The following TMEM132C variants were observed in gnomAD, a reference collection of about 807,000 sequenced individuals.
TMEM132C encodes the protein transmembrane protein 132C.
A neutral mutation model predicts 61.4 loss-of-function variants in TMEM132C; 29 were observed. The observed-to-expected ratio is 0.47, with a 90% CI of 0.35 to 0.64. TMEM132C has a LOEUF of 0.64. Among genes scored for constraint, TMEM132C ranks in the 30% least tolerant of loss-of-function variants. The pLI, the probability that TMEM132C is intolerant of heterozygous loss-of-function variation, is 0.00. For missense variants in TMEM132C, 1,408 were observed against 1,476.9 expected (o/e 0.95, Z 0.76); for synonymous variants, 656 against 633.1 (o/e 1.04, Z -0.54).
At chr12:128,390,503 G>T (rs1466498219) in intron 1 of TMEM132C, among the ~76,000 whole-genome samples, 1 of 152,078 alleles carries the variant, frequency 6.6e-6, no homozygotes, top group African/African-American at 2.4e-5. Flanking sequence ...AGAACCCCAG[G>T]TTACATGGGG....
In TMEM132C at chr12:128,693,878, G is replaced by A; in HGVS notation, c.1499G>A (p.Gly500Glu). 1 of 1,551,752 alleles carries A rather than the reference G, an allele frequency of 6.4e-7. No individual in the cohort carries two copies. Reference protein sequence around the residue: ...YIFVNGKEIKGKMDAVVNFTY... With the variant: ...YIFVNGKEIKEKMDAVVNFTY... ...TTTGTCAATGGCAAAGAGATCAAAGGAAAGATGGATGCGGTGGTGAACTTC... is the reference window on the plus strand; with the variant it reads ...TTTGTCAATGGCAAAGAGATCAAAGAAAAGATGGATGCGGTGGTGAACTTC... Residue 500 changes from glycine to glutamate, a missense_variant, in exon 6 of 9, where the codon GGA becomes GAA. Coordinates refer to ENST00000435159, the MANE Select transcript of TMEM132C (RefSeq NM_001136103.3).
intron 1 of TMEM132C, among the ~76,000 whole-genome samples, chr12:128,335,650 A>G (rs1173138642): frequency 6.6e-6 from 1 of 152,236 alleles, no homozygotes; most frequent in Non-Finnish European, 1.5e-5. Context: ...AACTAAAACA[A>G]GTACAATAAC....
At chr12:128,410,495 A>G (rs910572229) in intron 1 of TMEM132C, among the ~76,000 whole-genome samples, 3 of 151,642 alleles carry the variant, frequency 2.0e-5, no homozygotes, top group African/African-American at 7.3e-5. Flanking sequence ...CTCCACCTCC[A>G]GGGTTCAAGT....
intron 8 of TMEM132C, among the ~76,000 whole-genome samples, chr12:128,703,470 T>A (rs1446898737): frequency 1.3e-5 from 2 of 152,214 alleles, no homozygotes; most frequent in Non-Finnish European, 2.9e-5. Context: ...CTGCAAAGGA[T>A]GGGATCTTGT....
intron 2 of TMEM132C, among the ~76,000 whole-genome samples, chr12:128,441,481 A>T (rs1394363619): frequency 6.6e-6 from 1 of 152,230 alleles, no homozygotes; most frequent in Non-Finnish European, 1.5e-5. Context: ...CTTTGGCTGA[A>T]ATAGCATCCA....
intron 1 of TMEM132C, among the ~76,000 whole-genome samples, chr12:128,289,620 A>G (rs532855541): frequency 6.6e-6 from 1 of 152,358 alleles, no homozygotes; most frequent in East Asian, 1.9e-4. Flanking sequence ...TAACGTCCCC[A>G]TCTTCAAAGA....
At chr12:128,369,989 C>T (rs1873981827) in intron 1 of TMEM132C, among the ~76,000 whole-genome samples, 1 of 152,242 alleles carries the variant, frequency 6.6e-6, no homozygotes, top group African/African-American at 2.4e-5. Flanking sequence ...GCTCTAGGCC[C>T]TTGTTTATTG....
intron 2 of TMEM132C, among the ~76,000 whole-genome samples, chr12:128,498,701 C>G (rs1264406728): frequency 6.6e-6 from 1 of 151,890 alleles, no homozygotes; most frequent in African/African-American, 2.4e-5. Context: ...TGCAAAGAAA[C>G]AAGCATTGCA....
At chr12:128,669,778 T>C (rs1015911412) in intron 5 of TMEM132C, among the ~76,000 whole-genome samples, 2 of 152,206 alleles carry the variant, frequency 1.3e-5, no homozygotes, top group Non-Finnish European at 2.9e-5. Context: ...CTGTCTTTCT[T>C]CCTTTATTTG....
Position 128,671,061 on chromosome 12 carries a change from G to A in TMEM132C, c.1449+1501G>A, listed in dbSNP as rs570532793. ...AAGCACCCTTAAAGAGTAGGGGTTG[G>A]CAAACCATGAGCCATGGGCCAAACC... On this transcript the variant is annotated intron_variant, in intron 5 of 8. Transcript: ENST00000435159. 5.5e-4 allele frequency among the ~76,000 whole-genome samples: 83 copies of A among 152,240 alleles called. 1 individual carries two copies. In the South Asian group the frequency reaches 0.016, roughly 30 times the overall value.
In TMEM132C at chr12:128,296,089, C is replaced by T. The variant is rs75853442; in HGVS notation, c.85+28602C>T. Among the ~76,000 whole-genome samples, 274 of 152,276 alleles carry T rather than the reference C, an allele frequency of 1.8e-3. 6 individuals are homozygous for T. In the East Asian group the frequency reaches 0.042, roughly 23 times the overall value. ...GTCCCCTATATTTACTGAAGTAGCACCCTTGTTTTGAGAGTATTTGTTGAT... is the reference window on the plus strand; with the variant it reads ...GTCCCCTATATTTACTGAAGTAGCATCCTTGTTTTGAGAGTATTTGTTGAT... On this transcript the variant is annotated intron_variant, in intron 1 of 8. Transcript: ENST00000435159.
At chr12:128,668,377 T>G (rs1314115054) in intron 4 of TMEM132C, among the ~76,000 whole-genome samples, 1 of 152,200 alleles carries the variant, frequency 6.6e-6, no homozygotes, top group Non-Finnish European at 1.5e-5. Context: ...TCATATCCCA[T>G]GCTATAGGCA....
intron 3 of TMEM132C, among the ~76,000 whole-genome samples, chr12:128,556,662 A>C (rs1028545664): frequency 6.6e-6 from 1 of 152,134 alleles, no homozygotes; most frequent in Non-Finnish European, 1.5e-5. Context: ...AAGTGATGCT[A>C]TGTAACTTTC....
intron 2 of TMEM132C, among the ~76,000 whole-genome samples, chr12:128,455,109 C>T (rs1175045622): frequency 6.6e-6 from 1 of 152,212 alleles, no homozygotes; most frequent in East Asian, 1.9e-4. Context: ...TTGCCCTTCC[C>T]TTTTCTGCTG....
intron 1 of TMEM132C, among the ~76,000 whole-genome samples, chr12:128,402,497 T>C (rs528271796): frequency 1.2e-4 from 19 of 152,264 alleles, no homozygotes; most frequent in African/African-American, 4.3e-4. Flanking sequence ...AAAAAATACA[T>C]ATGTGTTGTT....
In TMEM132C at chr12:128,570,524, G is replaced by T. The variant is rs1181118296; in HGVS notation, c.1121+26421G>T. 6.6e-6 allele frequency among the ~76,000 whole-genome samples: 1 copy of T among 152,142 alleles called. No homozygotes were observed. Among genetic ancestry groups the T allele is most frequent in the Non-Finnish European group, 1.5e-5 (1 of 68,026 alleles). On this transcript the variant is annotated intron_variant, in intron 3 of 8. Transcript: ENST00000435159. This position sits in a 1 kb window ranked among gnomAD's most constrained non-coding sequence, Gnocchi z 4.7. ...TGATGCCATGAACAGAAACTAGATT[G>T]CAGAGGCCTAACGAAACACGGCTTT...
intron 1 of TMEM132C, among the ~76,000 whole-genome samples, chr12:128,267,725 AC>A (rs1471322234): frequency 6.6e-6 from 1 of 151,664 alleles, no homozygotes; most frequent in Non-Finnish European, 1.5e-5. Flanking sequence ...CCCACCCCGG[AC>A]CCCCCAGACC....
At chr12:128,346,885 A>G (rs528133845) in intron 1 of TMEM132C, among the ~76,000 whole-genome samples, 12 of 152,320 alleles carry the variant, frequency 7.9e-5, no homozygotes, top group African/African-American at 2.9e-4. Context: ...AGTCTTGATC[A>G]ATATGGCTTT....
At chr12:128,704,850 G>A (rs1954825297) in intron 8 of TMEM132C, among the ~76,000 whole-genome samples, 2 of 152,164 alleles carry the variant, frequency 1.3e-5, no homozygotes, top group South Asian at 2.1e-4. Flanking sequence ...TTTGCCATTT[G>A]TTTGTTCTGG....
Sources: allele counts gnomAD v4.1 joint callset (sites outside exome capture counted in the v4.1 genomes callset), GRCh38; gene constraint gnomAD v4.1.1; non-coding constraint Gnocchi (gnomAD v3.1); transcripts MANE v1.5; gene names NCBI Gene and HGNC (gene_info 2026-07-23, HGNC 2026-07-21).